The following GNAL variants were observed in gnomAD, a reference collection of about 807,000 sequenced individuals.
GNAL encodes G protein subunit alpha L.
In GNAL, 18 loss-of-function variants were observed where a neutral mutation model predicts 55.1. That is an observed-to-expected ratio of 0.33 (90% CI 0.23 to 0.48). The LOEUF is 0.48. GNAL is among the 20% of genes least tolerant of loss of function. The pLI is 0.99. For synonymous variants in GNAL, 253 were observed against 237.0 expected, an observed-to-expected ratio of 1.07 and a Z score of -0.62; for missense variants, 412 against 614.1, an observed-to-expected ratio of 0.67 and a Z score of 3.48.
chr18:11,708,001 G>A (rs192684314), intron 1 of GNAL, among the ~76,000 whole-genome samples: 1 of 152,320 alleles, frequency 6.6e-6, no homozygotes, highest in East Asian at 1.9e-4. Flanking sequence ...GGGGAATGCT[G>A]TGGCTGTTTT....
At chr18:11,877,090 C>G (rs902672944) in intron 11 of GNAL, among the ~76,000 whole-genome samples, 1 of 152,128 alleles carries the variant, frequency 6.6e-6, no homozygotes, top group Non-Finnish European at 1.5e-5. Context: ...CAGATATTTA[C>G]TTTTTTTTCT....
intron 5 of GNAL, among the ~76,000 whole-genome samples, chr18:11,825,333 T>C (rs1302050501): frequency 6.6e-6 from 1 of 152,170 alleles, no homozygotes; most frequent in Non-Finnish European, 1.5e-5. Flanking sequence ...TATTGTTATG[T>C]TTTGATTTTG....
At chr18:11,724,708 T>G (rs900543614) in intron 1 of GNAL, among the ~76,000 whole-genome samples, 1 of 152,184 alleles carries the variant, frequency 6.6e-6, no homozygotes, top group Non-Finnish European at 1.5e-5. Context: ...CCACTTCCAT[T>G]TGATGATGGA....
chr18:11,788,914 A>AAAAAAAATATATATATATATATATAT (rs60071996), intron 4 of GNAL, among the ~76,000 whole-genome samples: 1 of 56,302 alleles, frequency 1.8e-5, no homozygotes, highest in African/African-American at 1.0e-4. Flanking sequence ...AAAAAAAAAA[A>AAAAAAAATATATATATATATATATAT]ATATATATAT....
At chr18:11,860,808 A>C (rs977398367) in intron 5 of GNAL, among the ~76,000 whole-genome samples, 2 of 152,216 alleles carry the variant, frequency 1.3e-5, no homozygotes, top group African/African-American at 4.8e-5. Flanking sequence ...TTCCTGGTAC[A>C]GGGCAGGCAC....
intron 5 of GNAL, chr18:11,852,285 C>A: frequency 1.3e-6 from 1 of 755,316 alleles, no homozygotes; most frequent in Non-Finnish European, 2.1e-6. Flanking sequence ...TATTTCTGCA[C>A]TCTTAGCTGG....
chr18:11,789,657 C>G (rs949073852), intron 4 of GNAL, among the ~76,000 whole-genome samples: 2 of 152,160 alleles, frequency 1.3e-5, no homozygotes, highest in Admixed American at 1.3e-4. Context: ...AATAAAGTAC[C>G]ATGTCTTCTT....
chr18:11,876,287 C>T (rs2036529224), intron 10 of GNAL, among the ~76,000 whole-genome samples: 1 of 152,174 alleles, frequency 6.6e-6, no homozygotes, highest in Non-Finnish European at 1.5e-5. Flanking sequence ...GACTGGCCAA[C>T]ATGGTGAAAC....
Position 11,752,943 on chromosome 18 carries a change from G to A in GNAL, c.449+18G>A. ...AATCCCGAGTAAGAATGTTCAGTTT[G>A]CTTCCAAACTGCATGCAAACTTCGT... is the stretch of plus-strand genomic sequence containing the variant. On this transcript the variant is annotated intron_variant, in intron 2 of 11. Transcript: ENST00000334049. The surrounding 1 kb of genome is among the most constrained non-coding windows in gnomAD (Gnocchi z 4.5). 6.7e-7 allele frequency: 1 copy of A among 1,492,952 alleles called. No individual in the cohort carries two copies. Among genetic ancestry groups the A allele is most frequent in the Non-Finnish European group, 9.3e-7 (1 of 1,071,162 alleles). 92.5% of individuals were successfully genotyped at this position (1,492,952 alleles called of 1,614,324 possible). A position where few individuals can be genotyped will look rare whatever the true frequency, so the allele number is the denominator to read the frequency against.
Position 11,762,525 on chromosome 18 carries a change from T to C in GNAL, c.624+8580T>C, listed in dbSNP as rs2033276094. Among the ~76,000 whole-genome samples the C allele has an allele frequency of 2.0e-5, 3 of 152,198 alleles. No individual in the cohort carries two copies. The South Asian group carries it at 6.2e-4, about 31-fold the overall frequency. On this transcript the variant is annotated intron_variant, in intron 4 of 11. Transcript: ENST00000334049. The stretch of plus-strand genomic sequence containing the variant: ...GGCCACCTGGGGACACCCATGCAGC[T>C]GGCGTCACACTGAGCTGAATCTTCC...
chr18:11,707,393 C>T (rs1315667553), intron 1 of GNAL, among the ~76,000 whole-genome samples: 1 of 152,128 alleles, frequency 6.6e-6, no homozygotes, highest in Non-Finnish European at 1.5e-5. Flanking sequence ...ACCGGGTGCA[C>T]AGTAAATGAG....
chr18:11,753,146 A>T (rs1258588827), intron 2 of GNAL, among the ~76,000 whole-genome samples: 2 of 152,234 alleles, frequency 1.3e-5, no homozygotes, highest in Non-Finnish European at 2.9e-5. Context: ...AATATGATTT[A>T]TAGGTATTCT....
chr18:11,806,126 G>T (rs765293747), intron 4 of GNAL, among the ~76,000 whole-genome samples: 4 of 152,040 alleles, frequency 2.6e-5, no homozygotes, highest in Non-Finnish European at 5.9e-5. Flanking sequence ...TCATATGCTT[G>T]TTGGCCATTT....
intron 1 of GNAL, among the ~76,000 whole-genome samples, chr18:11,714,617 T>C (rs1403159219): frequency 6.6e-6 from 1 of 152,208 alleles, no homozygotes; most frequent in Non-Finnish European, 1.5e-5. Flanking sequence ...AGATACACTG[T>C]TAATTTATAT....
At chr18:11,723,872 GA>G (rs1212761012) in intron 1 of GNAL, among the ~76,000 whole-genome samples, 1 of 152,234 alleles carries the variant, frequency 6.6e-6, no homozygotes, top group African/African-American at 2.4e-5. Context: ...ACTCTGCACA[GA>G]CCCTTTTGTA....
At chr18:11,860,146 G>A (rs1040899202) in intron 5 of GNAL, among the ~76,000 whole-genome samples, 1 of 152,200 alleles carries the variant, frequency 6.6e-6, no homozygotes, top group Non-Finnish European at 1.5e-5. Context: ...ATTCATGACA[G>A]TTGAGGTCAC....
At chr18:11,796,089 C>G (rs1283433049) in intron 4 of GNAL, among the ~76,000 whole-genome samples, 1 of 152,184 alleles carries the variant, frequency 6.6e-6, no homozygotes, top group African/African-American at 2.4e-5. Context: ...GTAACCATCC[C>G]TCCTTAACCC....
At chr18:11,825,396 T>C (rs7231090) in intron 5 of GNAL, among the ~76,000 whole-genome samples, 105,855 of 151,942 alleles carry the variant, frequency 0.7, 38,477 homozygotes, top group Admixed American at 0.82. Context: ...GTGATCAAGG[T>C]CAGGCTCTTA....
intron 6 of GNAL, among the ~76,000 whole-genome samples, chr18:11,863,070 G>C (rs987316183): frequency 1.7e-4 from 26 of 152,054 alleles, no homozygotes; most frequent in African/African-American, 5.1e-4. Flanking sequence ...GTGGAGACAG[G>C]GTTTTGCCAT....
Sources: gnomAD v4.1 joint callset for allele counts (sites outside exome capture counted in the v4.1 genomes callset) on GRCh38, gnomAD v4.1.1 for gene constraint, Gnocchi (gnomAD v3.1) non-coding constraint, MANE v1.5 for transcripts, NCBI Gene and HGNC (gene_info 2026-07-23, HGNC 2026-07-21) for gene names.